Variants in CDH20 observed in about 807,000 individuals in gnomAD.
CDH20 encodes the protein cadherin-20.
Under a neutral mutation model 74.2 loss-of-function variants are expected in CDH20, and 29 were observed. The ratio of observed to expected loss-of-function variants is 0.39; its 90% CI spans 0.29 to 0.53. The LOEUF (loss-of-function observed/expected upper bound fraction) is 0.53, where lower values mean the gene tolerates loss of function less well. Among genes scored for constraint, CDH20 ranks in the 20% least tolerant of loss-of-function variants. The probability of loss-of-function intolerance (pLI) is 0.69; values close to 1 mark genes in which losing one functional copy is unlikely to be tolerated. For synonymous variants in CDH20, 469 were observed against 405.4 expected (o/e 1.16, Z -1.88); for missense variants, 988 against 1,048.3 (o/e 0.94, Z 0.79).
chr18:61,406,069 A>G (rs1912320017), intron 1 of CDH20, among the ~76,000 whole-genome samples: 2 of 152,092 alleles, frequency 1.3e-5, no homozygotes, highest in African/African-American at 4.8e-5. Flanking sequence ...CTACAATTCA[A>G]ATGGCCCCAG....
At chr18:61,515,346 G>A (rs1354539383) in intron 6 of CDH20, among the ~76,000 whole-genome samples, 2 of 152,062 alleles carry the variant, frequency 1.3e-5, no homozygotes, top group Admixed American at 6.5e-5. Flanking sequence ...GCAATGCCTC[G>A]CCCTGCTTCG....
chr18:61,341,981 T>C (rs1306517753), intron 1 of CDH20, among the ~76,000 whole-genome samples: 4 of 152,202 alleles, frequency 2.6e-5, no homozygotes, highest in African/African-American at 9.7e-5. Flanking sequence ...AAATAAACTC[T>C]TTGAGCAGTC....
chr18:61,515,355 C>T lies in CDH20; in HGVS notation c.1017+7795C>T, dbSNP rs771580441. Among the ~76,000 whole-genome samples the T allele has an allele frequency of 4.7e-4, 71 of 152,194 alleles. No individual in the cohort carries two copies. The South Asian group carries it at 6.6e-3, about 14-fold the overall frequency. On this transcript the variant is annotated intron_variant, in intron 6 of 11. Transcript: ENST00000262717. ...AGTGAGGCAATGCCTCGCCCTGCTT[C>T]GGCTCGCGCACGGTGCACGCACCCA...
rs1599148385 is a variant in CDH20, at chr18:61,527,992, G to C, written c.1043G>C (p.Ser348Thr). The C allele has an allele frequency of 6.2e-7, 1 of 1,614,078 alleles. No individual in the cohort carries two copies. Among genetic ancestry groups the C allele is most frequent in the Non-Finnish European group, 8.5e-7 (1 of 1,179,966 alleles). The change falls in exon 7 of 12, where the codon AGC becomes ACC. Residue 348 changes from serine (S) to threonine (T), a missense_variant. This residue lies in a region of CDH20 where 613 missense variants were observed against 755.2 expected (regional missense o/e 0.81). Coordinates refer to ENST00000262717, the MANE Select transcript of CDH20 (RefSeq NM_031891.4). ...KKPLSFESKK[S>T]YTLKVEGANP... ...CCCCTGAGTTTTGAAAGCAAGAAAAGCTACACCTTAAAGGTGGAGGGAGCC... is the reference window on the plus strand; with the variant it reads ...CCCCTGAGTTTTGAAAGCAAGAAAACCTACACCTTAAAGGTGGAGGGAGCC...
chr18:61,472,819 T>C (rs1020674563), intron 1 of CDH20, among the ~76,000 whole-genome samples: 6 of 152,188 alleles, frequency 3.9e-5, no homozygotes, highest in Non-Finnish European at 8.8e-5. Context: ...AACTTAGAAA[T>C]GAGCAGTTGG....
At chr18:61,535,019 T>TA (rs988545409) in intron 7 of CDH20, among the ~76,000 whole-genome samples, 1 of 151,974 alleles carries the variant, frequency 6.6e-6, no homozygotes, top group Non-Finnish European at 1.5e-5. Context: ...ACTTGTCAAT[T>TA]AAAAAAATAA....
intron 9 of CDH20, among the ~76,000 whole-genome samples, chr18:61,540,746 C>A (rs1913006676): frequency 6.6e-6 from 1 of 152,196 alleles, no homozygotes; most frequent in Non-Finnish European, 1.5e-5. Flanking sequence ...GTACCTCCAG[C>A]ATCTTGCTGC....
At chr18:61,497,128 A>T (rs1386367439) in intron 2 of CDH20, among the ~76,000 whole-genome samples, 1 of 151,756 alleles carries the variant, frequency 6.6e-6, no homozygotes, top group Non-Finnish European at 1.5e-5. Flanking sequence ...AGAAAGAAAA[A>T]AGAAAATACT....
At chr18:61,467,680 A>G (rs1910009594) in intron 1 of CDH20, among the ~76,000 whole-genome samples, 1 of 152,154 alleles carries the variant, frequency 6.6e-6, no homozygotes, top group Admixed American at 6.5e-5. Context: ...TTTACTGAGC[A>G]TCTCTTATGT....
At chr18:61,405,223 G>A (rs1482143862) in intron 1 of CDH20, 6 of 398,832 alleles carry the variant, frequency 1.5e-5, no homozygotes, top group Non-Finnish European at 2.3e-5. Context: ...CCTTAGGTGT[G>A]GGATGGCCCC....
chr18:61,365,168 G>T (rs1459287663), intron 1 of CDH20, among the ~76,000 whole-genome samples: 1 of 152,188 alleles, frequency 6.6e-6, no homozygotes, highest in African/African-American at 2.4e-5. Flanking sequence ...CACAGAGGAG[G>T]TGATCAATAC....
At chr18:61,492,293 AC>A (rs1007945933) in intron 2 of CDH20, among the ~76,000 whole-genome samples, 54 of 152,052 alleles carry the variant, frequency 3.6e-4, no homozygotes, top group African/African-American at 1.2e-3. Context: ...GCCAGAATCA[AC>A]CCCAAATCCT....
intron 2 of CDH20, among the ~76,000 whole-genome samples, chr18:61,492,053 TG>T (rs1407720036): frequency 6.6e-6 from 1 of 152,094 alleles, no homozygotes; most frequent in Admixed American, 6.5e-5. Flanking sequence ...CCTCTATCTC[TG>T]GCTTAGACCA....
rs1415979135 is a variant in CDH20 at position 61,353,628 on chromosome 18, A to G, written c.-153+19801A>G. 5.3e-5 allele frequency among the ~76,000 whole-genome samples: 8 copies of G among 152,100 alleles called. No homozygotes were observed. Among genetic ancestry groups the G allele is most frequent in the East Asian group, 1.9e-4 (1 of 5,196 alleles). Reference sequence around the variant, plus strand: ...GATTTTGTTCAGTTAAATTTAATGGACCCTCAAATGTAACGGACCACCACC... The same window carrying G: ...GATTTTGTTCAGTTAAATTTAATGGGCCCTCAAATGTAACGGACCACCACC... On this transcript the variant is annotated intron_variant, in intron 1 of 11. Coordinates refer to ENST00000262717, the MANE Select transcript of CDH20 (RefSeq NM_031891.4). The surrounding 1 kb of genome is among the most constrained non-coding windows in gnomAD (Gnocchi z 4.6).
rs147764911 is a variant in CDH20, at chr18:61,383,705, T to G, written c.-153+49878T>G. 2.3e-3 allele frequency among the ~76,000 whole-genome samples: 345 copies of G among 152,284 alleles called. 4 individuals carry two copies. The highest frequency in any genetic ancestry group is 8.0e-3 in the African/African-American group (333 of 41,560). On this transcript the variant is annotated intron_variant, in intron 1 of 11. Transcript: ENST00000262717. Reference sequence around the variant, plus strand: ...GAGAGTAACAGAAAAATGAGATACATTTAGAATCTGAATTTTTAAGTTGAT... The same window carrying G: ...GAGAGTAACAGAAAAATGAGATACAGTTAGAATCTGAATTTTTAAGTTGAT...
At chr18:61,540,276 C>A (rs370857667) in intron 9 of CDH20, among the ~76,000 whole-genome samples, 1 of 152,148 alleles carries the variant, frequency 6.6e-6, no homozygotes, top group Admixed American at 6.5e-5. Flanking sequence ...GCTGGGGAAG[C>A]GCATATTGAT....
At chr18:61,362,593 C>A (rs370377556) in intron 1 of CDH20, among the ~76,000 whole-genome samples, 1 of 151,864 alleles carries the variant, frequency 6.6e-6, no homozygotes, top group Non-Finnish European at 1.5e-5. Context: ...ATAAGTACTA[C>A]GGAGATGAAA....
In CDH20 at chr18:61,554,530, G is replaced by A. The variant is rs751001793; in HGVS notation, c.2241G>A (p.Thr747=). 26 of 1,612,978 alleles carry A rather than the reference G, an allele frequency of 1.6e-5. No homozygotes were observed. Among genetic ancestry groups the A allele is most frequent in the East Asian group, 2.2e-5 (1 of 44,868 alleles). Residue 747 remains threonine (T), a synonymous_variant, in exon 12 of 12, where the codon ACG becomes ACA. Transcript: ENST00000262717. ...LWAPPFDSLQ[T]YMFEGDGSVA... is the part of the protein sequence containing the mutation. The stretch of plus-strand genomic sequence containing the variant: ...CACCGCCCTTCGACTCCCTCCAGAC[G>A]TATATGTTCGAGGGGGACGGCTCTG...
intron 1 of CDH20, among the ~76,000 whole-genome samples, chr18:61,399,777 C>A (rs748247946): frequency 4.2e-4 from 64 of 152,148 alleles, no homozygotes; most frequent in Non-Finnish European, 8.2e-4. Context: ...GAGTCTATAA[C>A]AAATTGCATA....
Sources: allele counts gnomAD v4.1 joint callset (sites outside exome capture counted in the v4.1 genomes callset), GRCh38; gene constraint gnomAD v4.1.1; regional missense constraint gnomAD v4.1.1; non-coding constraint Gnocchi (gnomAD v3.1); transcripts MANE v1.5; gene names NCBI Gene and HGNC (gene_info 2026-07-23, HGNC 2026-07-21).